HOXA3: variants seen among roughly 807,000 people sequenced by gnomAD.
HOXA3 encodes homeobox protein Hox-A3.
A neutral mutation model predicts 30.3 loss-of-function variants in HOXA3; 8 were observed. That is an observed-to-expected ratio of 0.26 (90% confidence interval 0.15 to 0.48). The LOEUF (loss-of-function observed/expected upper bound fraction) is 0.48. HOXA3 is among the 20% of genes least tolerant of loss of function. The probability of loss-of-function intolerance (pLI) is 0.99; values close to 1 mark genes in which losing one functional copy is unlikely to be tolerated. For missense variants in HOXA3, 653 were observed against 614.4 expected, an observed-to-expected ratio of 1.06 and a Z score of -0.66; for synonymous variants, 323 against 273.1, an observed-to-expected ratio of 1.18 and a Z score of -1.80.
chr7:27,125,722 C>A (rs1785253587), intron 3 of HOXA3, among the ~76,000 whole-genome samples: 1 of 152,238 alleles, frequency 6.6e-6, no homozygotes, highest in Non-Finnish European at 1.5e-5. Flanking sequence ...CTGCACAGAA[C>A]CCACTCATTC....
chr7:27,136,891 G>A (rs1310818384), intron 2 of HOXA3, among the ~76,000 whole-genome samples: 1 of 152,096 alleles, frequency 6.6e-6, no homozygotes, highest in African/African-American at 2.4e-5. Flanking sequence ...TACTTGGGTG[G>A]GAGCTTAGGC....
chr7:27,146,224 G>A (rs971779365), intron 1 of HOXA3, among the ~76,000 whole-genome samples: 4 of 149,346 alleles, frequency 2.7e-5, no homozygotes, highest in African/African-American at 9.9e-5. Context: ...TCGTGTTTTT[G>A]TGGGGATGCA....
chr7:27,130,793 CGAGGCCCCT>C, intron 2 of HOXA3: 1 of 1,515,546 alleles, frequency 6.6e-7, no homozygotes. Context: ...CTGGGCTTGC[CGAGGCCCCT>C]CCCCCTCCTG....
At chr7:27,138,456 C>G (rs1785780154) in intron 2 of HOXA3, among the ~76,000 whole-genome samples, 1 of 152,190 alleles carries the variant, frequency 6.6e-6, no homozygotes, top group East Asian at 1.9e-4. Flanking sequence ...CCAATTAATA[C>G]TTGCTGAAAA....
intron 1 of HOXA3, among the ~76,000 whole-genome samples, chr7:27,149,080 C>T (rs1371497870): frequency 1.3e-5 from 2 of 152,250 alleles, no homozygotes; most frequent in African/African-American, 4.8e-5. Flanking sequence ...CTGTCCCAGG[C>T]CTGGCGGTCC....
rs998941104 is a variant in HOXA3 at position 27,107,376 on chromosome 7, A to T, written c.*539T>A. 6.6e-6 allele frequency: 1 copy of T among 152,222 alleles called. No homozygotes were observed. The allele number at this position is 152,222 out of a possible 1,614,324, so 9.4% of individuals were successfully genotyped here. On this transcript the variant is annotated 3_prime_UTR_variant, in exon 6 of 6. Coordinates refer to ENST00000612286, the MANE Select transcript of HOXA3 (RefSeq NM_153631.3). ...TTAGATTATTCAATGCTTGCAAAAA[A>T]ATATAAATAAATCTGACTGTTCACC...
intron 3 of HOXA3, chr7:27,123,311 CTG>C (rs2128050741): frequency 6.6e-6 from 1 of 152,424 alleles, no homozygotes; most frequent in East Asian, 1.9e-4. Context: ...CTGCTGGAAA[CTG>C]AGAGGGACGC....
intron 4 of HOXA3, among the ~76,000 whole-genome samples, chr7:27,120,536 CAA>C (rs5883061): frequency 0.025 from 2,135 of 84,230 alleles, 25 homozygotes; most frequent in East Asian, 0.17. Flanking sequence ...GCGACTCTGT[CAA>C]AAAAAAAAAA....
At position 27,143,388 on chromosome 7, in the gene HOXA3, C is replaced by G. The variant is rs773901396; in HGVS notation, c.-493-3202G>C. Reference sequence around the variant, plus strand: ...GCGGGCGCCGCGCTGGCGCTGGCAGCGTAGCTGCGGGCGCGCTCTCCGGAG... The same window carrying G: ...GCGGGCGCCGCGCTGGCGCTGGCAGGGTAGCTGCGGGCGCGCTCTCCGGAG... On this transcript the variant is annotated intron_variant, in intron 1 of 5. Transcript: ENST00000612286. 7.5e-6 allele frequency: 12 copies of G among 1,601,744 alleles called. No individual in the cohort carries two copies. The Admixed American group carries it at 1.5e-4, about 20-fold the overall frequency.
chr7:27,142,048 C>G, intron 1 of HOXA3: 1 of 1,614,052 alleles, frequency 6.2e-7, no homozygotes, highest in Non-Finnish European at 8.5e-7. Context: ...GCGTGTAGGC[C>G]GTCCGGGCCC....
chr7:27,134,799 TG>T (rs2128056727), intron 2 of HOXA3, among the ~76,000 whole-genome samples: 1 of 152,370 alleles, frequency 6.6e-6, no homozygotes, highest in Admixed American at 6.5e-5. Context: ...TGAACATACC[TG>T]GCACCATTAA....
chr7:27,142,167 G>T, intron 1 of HOXA3: 1 of 1,482,202 alleles, frequency 6.7e-7, no homozygotes, highest in South Asian at 1.3e-5. Context: ...GTCATGAGCA[G>T]GGAACCCAGG....
At chr7:27,136,750 A>G (rs1387035368) in intron 2 of HOXA3, among the ~76,000 whole-genome samples, 3 of 152,228 alleles carry the variant, frequency 2.0e-5, no homozygotes, top group Non-Finnish European at 4.4e-5. Flanking sequence ...TTATTATTGA[A>G]AAGACTGGTT....
At chr7:27,139,413 G>A (rs61236211) in intron 2 of HOXA3, among the ~76,000 whole-genome samples, 1,679 of 152,282 alleles carry the variant, frequency 0.011, 30 homozygotes, top group African/African-American at 0.038. Context: ...TTGCAACCCG[G>A]GGGCCCAGCC....
intron 2 of HOXA3, chr7:27,130,265 A>G: frequency 8.5e-7 from 1 of 1,173,680 alleles, no homozygotes; most frequent in Non-Finnish European, 1.1e-6. Flanking sequence ...GCCGCCTCGC[A>G]GCGCCGCGGG....
At position 27,129,716 on chromosome 7, in the gene HOXA3, C is replaced by T. The variant is rs1785438470; in HGVS notation, c.-389-2646G>A. The T allele has an allele frequency of 3.4e-6, 3 of 888,442 alleles. No homozygotes were observed. In the South Asian group the frequency reaches 4.4e-5, roughly 13 times the overall value. 55.0% of individuals were successfully genotyped at this position (888,442 alleles called of 1,614,324 possible). A position where few individuals can be genotyped will look rare whatever the true frequency, so the allele number is the denominator to read the frequency against. On this transcript the variant is annotated intron_variant, in intron 2 of 5. Transcript: ENST00000612286. ...CCTGACACCAAGTTCACGCAAGATA[C>T]ATAAAACGGCAAAGAAAATGTTTCA...
chr7:27,110,363 G>A lies in HOXA3; in HGVS notation c.278C>T (p.Pro93Leu). ...PSLGEPPLHP[P>L]PPQAAPPAPQ... ...GGCAGGGGGCGCGGCCTGGGGCGGC[G>A]GCGGGTGCAGGGGCGGCTCTCCCAG... The change falls in exon 5 of 6, where the codon CCG becomes CTG. Residue 93 changes from proline (P) to leucine (L), a missense_variant. Transcript: ENST00000612286. 1 of 1,507,822 alleles carries A rather than the reference G, an allele frequency of 6.6e-7. No individual in the cohort carries two copies. The highest frequency in any genetic ancestry group is 2.2e-5 in the Admixed American group (1 of 46,258). The allele number at this position is 1,507,822 out of a possible 1,614,324, so 93.4% of individuals were successfully genotyped here. A position where few individuals can be genotyped will look rare whatever the true frequency, so the allele number is the denominator to read the frequency against.
At chr7:27,116,720 A>G (rs556515849) in intron 4 of HOXA3, 10 of 152,322 alleles carry the variant, frequency 6.6e-5, no homozygotes, top group African/African-American at 2.4e-4. Flanking sequence ...TGAGTCTTTA[A>G]CTGGGTCAAA....
chr7:27,144,351 T>C (rs1442223621), intron 1 of HOXA3, among the ~76,000 whole-genome samples: 2 of 152,274 alleles, frequency 1.3e-5, no homozygotes, highest in East Asian at 3.8e-4. Flanking sequence ...ACAGTGTCCC[T>C]GCCGCTCTTA....
Sources: allele counts gnomAD v4.1 joint callset (sites outside exome capture counted in the v4.1 genomes callset), GRCh38; gene constraint gnomAD v4.1.1; transcripts MANE v1.5; gene names NCBI Gene and HGNC (gene_info 2026-07-23, HGNC 2026-07-21).